The following MYO3B variants were observed in gnomAD, a reference collection of about 807,000 sequenced individuals.
The protein encoded by MYO3B is myosin IIIB, also known as myosin-IIIb.
A neutral mutation model predicts 174.6 loss-of-function variants in MYO3B; 156 were observed. The ratio of observed to expected loss-of-function variants is 0.89; its 90% CI spans 0.78 to 1.02. The LOEUF (loss-of-function observed/expected upper bound fraction) is 1.02. Ranked by LOEUF, MYO3B falls within the 50% of genes least tolerant of loss-of-function variation. MYO3B has a pLI of 0.00. For missense variants in MYO3B, 1,632 were observed against 1,639.4 expected, an observed-to-expected ratio of 1.00 and a Z score of 0.08; for synonymous variants, 563 against 569.1, an observed-to-expected ratio of 0.99 and a Z score of 0.15.
intron 8 of MYO3B, among the ~76,000 whole-genome samples, chr2:170,339,516 C>T (rs1011719941): frequency 6.6e-6 from 1 of 152,064 alleles, no homozygotes; most frequent in African/African-American, 2.4e-5. Flanking sequence ...GTAGACAGGG[C>T]ACAGTGGGGT....
chr2:170,649,420 AAT>A (rs1277108409), intron 32 of MYO3B, among the ~76,000 whole-genome samples: 1 of 82,026 alleles, frequency 1.2e-5, no homozygotes, highest in East Asian at 3.6e-4. Flanking sequence ...TTACATATAA[AAT>A]ATATATAATA....
intron 9 of MYO3B, among the ~76,000 whole-genome samples, chr2:170,371,492 GA>G (rs2105693894): frequency 6.6e-6 from 1 of 151,984 alleles, no homozygotes; most frequent in Admixed American, 6.6e-5. Context: ...TAGGATGTGG[GA>G]AAATTAATTC....
intron 7 of MYO3B, among the ~76,000 whole-genome samples, chr2:170,324,280 C>G (rs1298797071): frequency 2.0e-5 from 3 of 152,132 alleles, no homozygotes; most frequent in Non-Finnish European, 1.5e-5. Flanking sequence ...TCTTGACTGT[C>G]ATTTATCCCA....
rs545586947 is a variant in MYO3B at position 170,229,822 on chromosome 2, G to C, written c.604-6169G>C. Among the ~76,000 whole-genome samples the C allele has an allele frequency of 2.6e-5, 4 of 152,204 alleles. No individual in the cohort carries two copies. The East Asian group carries it at 5.8e-4, about 22-fold the overall frequency. On this transcript the variant is annotated intron_variant, in intron 6 of 34. Coordinates refer to ENST00000408978, the MANE Select transcript of MYO3B (RefSeq NM_138995.5). ...CTTGAGATGAGAAGCTGTAAGCTCAGGTTCTTATACACCAAGTCTTTGTGC... is the reference window on the plus strand; with the variant it reads ...CTTGAGATGAGAAGCTGTAAGCTCACGTTCTTATACACCAAGTCTTTGTGC...
intron 7 of MYO3B, among the ~76,000 whole-genome samples, chr2:170,322,493 G>T (rs2093835694): frequency 1.3e-5 from 2 of 152,222 alleles, no homozygotes; most frequent in African/African-American, 4.8e-5. Flanking sequence ...TGGCTCAGTG[G>T]AGACATGACC....
At position 170,227,259 on chromosome 2, in the gene MYO3B, T is replaced by C. The variant is rs1012430386; in HGVS notation, c.604-8732T>C. Among the ~76,000 whole-genome samples the C allele has an allele frequency of 3.9e-5, 6 of 152,266 alleles. No homozygotes were observed. In the South Asian group the frequency reaches 1.2e-3, roughly 32 times the overall value. ...GACTAGTGTTTCTTGTGCTCTATTA[T>C]GTCCCGGGTATTTCTCATACTTTTT... On this transcript the variant is annotated intron_variant, in intron 6 of 34. Transcript: ENST00000408978.
intron 32 of MYO3B, among the ~76,000 whole-genome samples, chr2:170,583,185 T>C (rs1693265802): frequency 2.0e-5 from 3 of 151,880 alleles, no homozygotes; most frequent in Non-Finnish European, 2.9e-5. Context: ...ACTGATAGAT[T>C]TTTTAGAGCA....
intron 30 of MYO3B, chr2:170,524,671 A>G: frequency 3.0e-6 from 1 of 332,978 alleles, no homozygotes; most frequent in Non-Finnish European, 5.9e-6. Flanking sequence ...TTTAGTGGAG[A>G]TGGGGTTTTA....
At chr2:170,214,636 G>T (rs2092808215) in intron 4 of MYO3B, 93 bp from the exon 5 acceptor site, 1 of 1,351,052 alleles carries the variant, frequency 7.4e-7, no homozygotes, top group South Asian at 1.2e-5. Flanking sequence ...ACTTTCATGA[G>T]ACTTTTCAAT....
intron 7 of MYO3B, among the ~76,000 whole-genome samples, chr2:170,248,207 C>T (rs981655507): frequency 1.3e-5 from 2 of 152,270 alleles, no homozygotes; most frequent in African/African-American, 4.8e-5. Context: ...TCTTTCTTTC[C>T]TCCTTCCTTC....
At chr2:170,371,916 A>C (rs1358154787) in intron 9 of MYO3B, among the ~76,000 whole-genome samples, 1 of 151,382 alleles carries the variant, frequency 6.6e-6, no homozygotes, top group Non-Finnish European at 1.5e-5. Flanking sequence ...CAGGCTGGTC[A>C]CTATAGCAAG....
At chr2:170,254,299 C>T (rs2093283769) in intron 7 of MYO3B, among the ~76,000 whole-genome samples, 1 of 152,184 alleles carries the variant, frequency 6.6e-6, no homozygotes, top group South Asian at 2.1e-4. Context: ...CAGAAGGTTA[C>T]ACTCATGTGG....
At chr2:170,180,985 A>C (rs1246346824) in intron 1 of MYO3B, among the ~76,000 whole-genome samples, 1 of 152,040 alleles carries the variant, frequency 6.6e-6, no homozygotes, top group East Asian at 1.9e-4. Flanking sequence ...ATTGTATTTA[A>C]TTTTATGTAA....
At chr2:170,246,995 G>A (rs115594765) in intron 7 of MYO3B, among the ~76,000 whole-genome samples, 483 of 152,184 alleles carry the variant, frequency 3.2e-3, no homozygotes, top group Non-Finnish European at 5.2e-3. Context: ...TAACATACTT[G>A]GCAGTTCTCA....
chr2:170,568,005 G>C (rs1194603590), intron 32 of MYO3B, among the ~76,000 whole-genome samples: 2 of 152,174 alleles, frequency 1.3e-5, no homozygotes, highest in Non-Finnish European at 2.9e-5. Flanking sequence ...GATGTGTTAT[G>C]GTTGTGCCAA....
intron 30 of MYO3B, among the ~76,000 whole-genome samples, chr2:170,539,414 G>C (rs1689937269): frequency 6.6e-6 from 1 of 152,194 alleles, no homozygotes; most frequent in East Asian, 1.9e-4. Context: ...ACAAGACAAT[G>C]TTGTCGTGGT....
chr2:170,579,301 G>A (rs943152595), intron 32 of MYO3B, among the ~76,000 whole-genome samples: 13 of 151,208 alleles, frequency 8.6e-5, no homozygotes, highest in African/African-American at 1.2e-4. Context: ...TATTATAAAC[G>A]AAATATAATT....
At chr2:170,611,751 C>T (rs1207227655) in intron 32 of MYO3B, among the ~76,000 whole-genome samples, 1 of 152,126 alleles carries the variant, frequency 6.6e-6, no homozygotes, top group East Asian at 1.9e-4. Flanking sequence ...TTTCTATACA[C>T]CATCTCTTTT....
chr2:170,334,449 A>G (rs1470403084), intron 7 of MYO3B: 1 of 152,170 alleles, frequency 6.6e-6, no homozygotes, highest in Non-Finnish European at 1.5e-5. Flanking sequence ...TGAGCAATCC[A>G]TGGCTTTAGG....
Sources: gnomAD v4.1 joint callset for allele counts (sites outside exome capture counted in the v4.1 genomes callset) on GRCh38, gnomAD v4.1.1 for gene constraint, MANE v1.5 for transcripts, NCBI Gene and HGNC (gene_info 2026-07-23, HGNC 2026-07-21) for gene names.